Variants in IQSEC1 observed in about 807,000 individuals in gnomAD.
IQSEC1 encodes IQ motif and SEC7 domain-containing protein 1.
A neutral mutation model predicts 91.0 loss-of-function variants in IQSEC1; 31 were observed. The observed-to-expected ratio is 0.34, with a 90% CI of 0.26 to 0.46. The LOEUF (loss-of-function observed/expected upper bound fraction) is 0.46. IQSEC1 is among the 20% of genes least tolerant of loss of function. The pLI is 1.00. For missense variants in IQSEC1, 1,388 were observed against 1,575.6 expected, an observed-to-expected ratio of 0.88 and a Z score of 2.02; for synonymous variants, 699 against 662.6, an observed-to-expected ratio of 1.05 and a Z score of -0.84.
chr3:13,072,824 C>T (rs1174229675), intron 1 of IQSEC1, among the ~76,000 whole-genome samples, 168 bp downstream of exon 1: 2 of 152,220 alleles, frequency 1.3e-5, no homozygotes, highest in African/African-American at 2.4e-5. Flanking sequence ...CAAACACCTC[C>T]GCTGCAGGGG....
At chr3:13,059,281 A>G (rs2125083674) in intron 1 of IQSEC1, among the ~76,000 whole-genome samples, 1 of 151,944 alleles carries the variant, frequency 6.6e-6, no homozygotes, top group Middle Eastern at 3.4e-3. Flanking sequence ...CCTAGGCACT[A>G]TGGTCTACTA....
At chr3:13,147,266 C>A (rs1706914246) in intron 2 of IQSEC1, among the ~76,000 whole-genome samples, 1 of 152,132 alleles carries the variant, frequency 6.6e-6, no homozygotes, top group African/African-American at 2.4e-5. Context: ...CAGGGGTCAC[C>A]AGGGTAGTGT....
At chr3:12,984,451 C>G (rs1040819417) in intron 1 of IQSEC1, among the ~76,000 whole-genome samples, 3 of 152,216 alleles carry the variant, frequency 2.0e-5, no homozygotes, top group Non-Finnish European at 2.9e-5. Flanking sequence ...GCCAACTGCC[C>G]TCATGCAGTG....
At chr3:12,965,139 G>A (rs1412255925) in intron 1 of IQSEC1, among the ~76,000 whole-genome samples, 1 of 152,158 alleles carries the variant, frequency 6.6e-6, no homozygotes, top group Non-Finnish European at 1.5e-5. Context: ...CTCTTAGTGT[G>A]TGTACCCTTA....
At chr3:13,173,224 T>C (rs1303741682) in intron 1 of IQSEC1, among the ~76,000 whole-genome samples, 4 of 152,200 alleles carry the variant, frequency 2.6e-5, no homozygotes, top group Admixed American at 6.5e-5. Context: ...TGTCCTGGGA[T>C]GGCCACATGG....
chr3:12,975,204 G>A (rs767700028), intron 1 of IQSEC1, among the ~76,000 whole-genome samples: 1 of 152,198 alleles, frequency 6.6e-6, no homozygotes, highest in Non-Finnish European at 1.5e-5. Flanking sequence ...CACCTTGTAC[G>A]GGGGCAAAAG....
At chr3:13,124,340 A>C (rs1188296830) in intron 2 of IQSEC1, among the ~76,000 whole-genome samples, 1 of 152,108 alleles carries the variant, frequency 6.6e-6, no homozygotes, top group African/African-American at 2.4e-5. Context: ...CAAAGTAGAG[A>C]ATTCGAGGAC....
chr3:13,015,625 G>A (rs748228702), intron 1 of IQSEC1: 16 of 985,342 alleles, frequency 1.6e-5, no homozygotes, highest in Non-Finnish European at 1.8e-5. Context: ...CCCAGTGCCT[G>A]GCCTGCCTCT....
intron 2 of IQSEC1, among the ~76,000 whole-genome samples, chr3:13,133,158 A>T (rs899925996): frequency 3.3e-5 from 5 of 152,246 alleles, no homozygotes; most frequent in African/African-American, 1.2e-4. Flanking sequence ...CACTCTGTCC[A>T]GGCTGTCTCG....
At chr3:13,073,571 G>A (rs1705507600), upstream of IQSEC1, among the ~76,000 whole-genome samples, 1 of 151,986 alleles carries the variant, frequency 6.6e-6, no homozygotes, top group African/African-American at 2.4e-5. Context: ...CTGCGCCCTC[G>A]CGGCAAAGTC....
intron 4 of IQSEC1, among the ~76,000 whole-genome samples, chr3:12,923,207 C>G (rs934162690): frequency 6.6e-6 from 1 of 152,190 alleles, no homozygotes; most frequent in African/African-American, 2.4e-5. Flanking sequence ...CCAGCCACTT[C>G]CTGAGGCCAC....
chr3:13,205,105 T>C (rs1694320076), intron 1 of IQSEC1, among the ~76,000 whole-genome samples: 1 of 152,088 alleles, frequency 6.6e-6, no homozygotes, highest in Non-Finnish European at 1.5e-5. Context: ...GCCCGTGCTG[T>C]CCGTTTTCTA....
At chr3:13,058,116 T>C (rs1553562459) in intron 1 of IQSEC1, among the ~76,000 whole-genome samples, 1 of 151,986 alleles carries the variant, frequency 6.6e-6, no homozygotes, top group Non-Finnish European at 1.5e-5. Context: ...CAACTAAAAA[T>C]ACAAAAAACA....
intron 1 of IQSEC1, among the ~76,000 whole-genome samples, chr3:12,976,568 G>C (rs545777421): frequency 1.5e-5 from 2 of 134,710 alleles, no homozygotes; most frequent in African/African-American, 5.0e-5. Context: ...GACAATACAT[G>C]TATGTTCTGT....
intron 2 of IQSEC1, among the ~76,000 whole-genome samples, chr3:13,098,899 A>G (rs564865067): frequency 1.3e-5 from 2 of 152,374 alleles, no homozygotes; most frequent in Middle Eastern, 3.4e-3. Context: ...CTGTGAATAC[A>G]CTAACATCCA....
chr3:13,175,706 T>C (rs1016754248), intron 1 of IQSEC1, among the ~76,000 whole-genome samples: 54 of 152,206 alleles, frequency 3.5e-4, no homozygotes, highest in Non-Finnish European at 6.3e-4. Flanking sequence ...AGAGGCTGGG[T>C]AGTCCAAGAT....
At chr3:13,059,737 C>A (rs1233328865) in intron 1 of IQSEC1, among the ~76,000 whole-genome samples, 1 of 151,994 alleles carries the variant, frequency 6.6e-6, no homozygotes, top group Non-Finnish European at 1.5e-5. Context: ...GGTGACAGAG[C>A]AAGACCCTAT....
intron 1 of IQSEC1, among the ~76,000 whole-genome samples, chr3:13,173,092 T>A (rs181570666): frequency 7.9e-4 from 121 of 152,360 alleles, no homozygotes; most frequent in African/African-American, 2.8e-3. Context: ...TTTTCTCCCC[T>A]GGGAAAAGTC....
chr3:13,092,726 G>T (rs1225083761), intron 2 of IQSEC1, among the ~76,000 whole-genome samples: 3 of 152,150 alleles, frequency 2.0e-5, no homozygotes, highest in Non-Finnish European at 2.9e-5. Context: ...TCTGATGGTG[G>T]CCTCTTCGCG....
Sources: allele counts gnomAD v4.1 joint callset (sites outside exome capture counted in the v4.1 genomes callset), GRCh38; gene constraint gnomAD v4.1.1; transcripts MANE v1.5; gene names NCBI Gene and HGNC (gene_info 2026-07-23, HGNC 2026-07-21).